The following CPNE7 variants were observed in gnomAD, a reference collection of about 807,000 sequenced individuals.
CPNE7 encodes the protein copine-7.
Under a neutral mutation model 66.5 loss-of-function variants are expected in CPNE7, and 78 were observed. The ratio of observed to expected loss-of-function variants is 1.17; its 90% CI spans 0.98 to 1.42. The LOEUF (loss-of-function observed/expected upper bound fraction) is 1.42, where lower values mean the gene tolerates loss of function less well. CPNE7 is among the 40% of genes most tolerant of loss of function. The probability of loss-of-function intolerance (pLI) is 0.00; values close to 1 mark genes in which losing one functional copy is unlikely to be tolerated. For synonymous variants in CPNE7, 468 were observed against 336.7 expected (o/e 1.39, Z -4.27); for missense variants, 1,012 against 776.6 (o/e 1.30, Z -3.60).
intron 11 of CPNE7, 80 bp from the exon 12 acceptor site, chr16:89,590,927 G>A: frequency 6.7e-7 from 1 of 1,493,074 alleles, no homozygotes; most frequent in Non-Finnish European, 9.2e-7. Flanking sequence ...GGGGACGGGG[G>A]GAGCAGCTGA....
At chr16:89,596,010 A>C (rs149053764) in intron 14 of CPNE7, 4 of 481,604 alleles carry the variant, frequency 8.3e-6, no homozygotes, top group South Asian at 3.1e-5. Context: ...AGGTTCTACC[A>C]GGCAAGACAC....
chr16:89,586,448 C>G (rs1207579247), intron 7 of CPNE7, among the ~76,000 whole-genome samples: 1 of 151,864 alleles, frequency 6.6e-6, no homozygotes, highest in Non-Finnish European at 1.5e-5. Flanking sequence ...TGTCCTTGGG[C>G]TTAATGACAG....
At chr16:89,588,326 G>T (rs544735789) in intron 9 of CPNE7, among the ~76,000 whole-genome samples, 1 of 152,214 alleles carries the variant, frequency 6.6e-6, no homozygotes, top group Non-Finnish European at 1.5e-5. Flanking sequence ...AGTGGGAAAC[G>T]TGGGGGGACC....
chr16:89,586,547 C>G (rs2059041992), intron 7 of CPNE7, 123 bp from the exon 8 acceptor site: 2 of 731,034 alleles, frequency 2.7e-6, no homozygotes, highest in Admixed American at 2.2e-5. Context: ...CAGCAGTGCC[C>G]TCCCCTCCCC....
At chr16:89,586,896 C>A (rs2292955) in intron 8 of CPNE7, 140 bp downstream of exon 8, 6 of 1,096,422 alleles carry the variant, frequency 5.5e-6, no homozygotes, top group Non-Finnish European at 8.1e-6. Flanking sequence ...CGGGGAAGGG[C>A]GAGGTTGGGG....
chr16:89,589,990 C>G (rs1481225622), intron 11 of CPNE7, 39 bp downstream of exon 11: 15 of 1,608,978 alleles, frequency 9.3e-6, no homozygotes, highest in Non-Finnish European at 1.3e-5. Flanking sequence ...GAGCTGTGCC[C>G]TTCTCGTGCC....
In CPNE7 at chr16:89,584,185, C is replaced by T. The variant is rs2059000081; in HGVS notation, c.507+83C>T. 1 of 1,392,530 alleles carries T rather than the reference C, an allele frequency of 7.2e-7. No homozygotes were observed. Among genetic ancestry groups the T allele is most frequent in the East Asian group, 2.3e-5 (1 of 43,242 alleles). 86.3% of individuals were successfully genotyped at this position (1,392,530 alleles called of 1,614,324 possible). A position where few individuals can be genotyped will look rare whatever the true frequency, so the allele number is the denominator to read the frequency against. On this transcript the variant is annotated intron_variant, in intron 4 of 14. Coordinates refer to ENST00000319518, the MANE Select transcript of CPNE7 (RefSeq NM_153636.3). This position sits in a 1 kb window ranked among gnomAD's most constrained non-coding sequence, Gnocchi z 6.0. ...AACCCGGTCCCTGCCCAGCGCTGAC[C>T]TCGCGTGGCTATGTCCCGTGTGAGA... is the stretch of plus-strand genomic sequence containing the variant.
intron 2 of CPNE7, among the ~76,000 whole-genome samples, chr16:89,578,425 A>T (rs527567634): frequency 1.4e-4 from 22 of 151,938 alleles, no homozygotes; most frequent in South Asian, 8.3e-4. Context: ...CTGCGTTTTC[A>T]CTTCCACGAC....
chr16:89,578,872 C>A, intron 2 of CPNE7: 2 of 1,612,232 alleles, frequency 1.2e-6, no homozygotes, highest in Non-Finnish European at 1.7e-6. Flanking sequence ...CCAAAAGTGG[C>A]TTCTGCAAGT....
intron 10 of CPNE7, among the ~76,000 whole-genome samples, 183 bp downstream of exon 10, chr16:89,588,991 A>G (rs2059129990): frequency 6.6e-6 from 1 of 152,044 alleles, no homozygotes; most frequent in Non-Finnish European, 1.5e-5. Context: ...GGGCACTGTG[A>G]GTTTGTCAGA....
At chr16:89,583,514 A>C (rs2058987780) in intron 2 of CPNE7, 183 bp from the exon 3 acceptor site, 1 of 1,562,602 alleles carries the variant, frequency 6.4e-7, no homozygotes, top group Non-Finnish European at 8.7e-7. Flanking sequence ...GGGTGGCCAC[A>C]CGCAGGGATG....
At chr16:89,590,107 C>T (rs2059145668) in intron 11 of CPNE7, among the ~76,000 whole-genome samples, 156 bp downstream of exon 11, 1 of 152,196 alleles carries the variant, frequency 6.6e-6, no homozygotes, top group Non-Finnish European at 1.5e-5. Flanking sequence ...GCCTTCTAGC[C>T]AGAGAGGCTG....
chr16:89,595,663 C>T, intron 14 of CPNE7, 60 bp downstream of exon 14: 4 of 1,427,902 alleles, frequency 2.8e-6, no homozygotes, highest in South Asian at 1.2e-5. Context: ...CATGTCACTG[C>T]CCAAGACCTT....
chr16:89,577,413 A>T, intron 1 of CPNE7, 126 bp from the exon 2 acceptor site: 3 of 933,510 alleles, frequency 3.2e-6, no homozygotes, highest in Non-Finnish European at 4.8e-6. Context: ...AGCAGGCAGG[A>T]GGTCTTCCCA....
chr16:89,592,744 A>G (rs1481359788), intron 13 of CPNE7, among the ~76,000 whole-genome samples: 2 of 150,452 alleles, frequency 1.3e-5, no homozygotes, highest in African/African-American at 4.9e-5. Context: ...GCCCAGCCCA[A>G]ATTTTTTTTA....
Position 89,585,492 on chromosome 16 carries a change from G to A in CPNE7, c.620G>A (p.Trp207Ter), listed in dbSNP as rs1186104324. 2 of 1,612,060 alleles carry A rather than the reference G, an allele frequency of 1.2e-6. No homozygotes were observed. The highest frequency in any genetic ancestry group is 1.7e-5 in the Admixed American group (1 of 59,930). ...GTGAAGAACAACCTGAACCCGGTGT[G>A]GGAGGCCTTCAAAGTCTCTCTGAGT... is the stretch of plus-strand genomic sequence containing the variant. ...EVVKNNLNPVWEAFKVSLSSL... is the reference protein window; with the variant it reads ...EVVKNNLNPV Residue 207 changes from tryptophan (W) to a stop codon, truncating the protein, a stop_gained, in exon 6 of 15, where the codon TGG becomes TAG. Coordinates refer to ENST00000319518, the MANE Select transcript of CPNE7 (RefSeq NM_153636.3). LOFTEE classifies it high-confidence loss of function.
At chr16:89,577,800 C>A (rs1206810770) in intron 2 of CPNE7, 79 bp downstream of exon 2, 4 of 1,445,386 alleles carry the variant, frequency 2.8e-6, no homozygotes, top group Admixed American at 2.1e-5. Flanking sequence ...TGTACCAGCA[C>A]CGCAGGGACC....
intron 11 of CPNE7, 124 bp from the exon 12 acceptor site, chr16:89,590,883 C>CG: frequency 1.2e-6 from 1 of 849,174 alleles, no homozygotes; most frequent in East Asian, 3.2e-5. Context: ...AGGGCGGGGA[C>CG]GGGGGGAGCA....
chr16:89,588,646 C>G, intron 9 of CPNE7, 29 bp from the exon 10 acceptor site: 1 of 1,612,272 alleles, frequency 6.2e-7, no homozygotes, highest in Non-Finnish European at 8.5e-7. Flanking sequence ...CCCGGCCCAG[C>G]ACAGCTCCTG....
Sources: gnomAD v4.1 joint callset for allele counts (sites outside exome capture counted in the v4.1 genomes callset) on GRCh38, gnomAD v4.1.1 for gene constraint, Gnocchi (gnomAD v3.1) non-coding constraint, MANE v1.5 for transcripts, NCBI Gene and HGNC (gene_info 2026-07-23, HGNC 2026-07-21) for gene names.